TSHZ2: variants seen among roughly 807,000 people sequenced by gnomAD.
The protein encoded by TSHZ2 is teashirt homolog 2.
In TSHZ2, 21 loss-of-function variants were observed where a neutral mutation model predicts 74.4. That is an observed-to-expected ratio of 0.28 (90% CI 0.20 to 0.41). The LOEUF (loss-of-function observed/expected upper bound fraction) is 0.41, where lower values mean the gene tolerates loss of function less well. Ranked by LOEUF, TSHZ2 falls within the 10% of genes least tolerant of loss-of-function variation. The probability of loss-of-function intolerance (pLI) is 1.00; values close to 1 mark genes in which losing one functional copy is unlikely to be tolerated. For synonymous variants in TSHZ2, 540 were observed against 515.3 expected (o/e 1.05, Z -0.65); for missense variants, 1,244 against 1,293.5 (o/e 0.96, Z 0.59).
intron 2 of TSHZ2, among the ~76,000 whole-genome samples, chr20:53,405,320 T>C (rs1982810448): frequency 6.6e-6 from 1 of 152,008 alleles, no homozygotes; most frequent in Non-Finnish European, 1.5e-5. Context: ...ATCTAAGAAC[T>C]GGGAAGTAAT....
Position 53,197,617 on chromosome 20 carries a change from C to T in TSHZ2, c.41-55882C>T, listed in dbSNP as rs145917083. On this transcript the variant is annotated intron_variant, in intron 1 of 2. Coordinates refer to ENST00000371497, the MANE Select transcript of TSHZ2 (RefSeq NM_173485.6). ...AGCATATAATTTATTTCTCCCCCTT[C>T]GATACATTCCCCATTAGAAAACAAA... 6.0e-3 allele frequency among the ~76,000 whole-genome samples: 915 copies of T among 152,290 alleles called. 6 individuals carry two copies. Among genetic ancestry groups the T allele is most frequent in the South Asian group, 0.02 (94 of 4,816 alleles).
At chr20:53,374,096 G>A (rs769125384) in intron 2 of TSHZ2, among the ~76,000 whole-genome samples, 4 of 152,176 alleles carry the variant, frequency 2.6e-5, no homozygotes, top group Non-Finnish European at 4.4e-5. Flanking sequence ...TGTCACCCAG[G>A]TAATAAACGT....
rs140606316 is a variant in TSHZ2, at chr20:53,254,446, C to A, written c.988C>A (p.Pro330Thr). ...AKKRVFDVNR[P>T]CSPDSTTGSF... Reference sequence around the variant, plus strand: ...GAAACGCGTTTTTGATGTCAATCGGCCGTGTTCCCCCGATTCAACCACAGG... The same window carrying A: ...GAAACGCGTTTTTGATGTCAATCGGACGTGTTCCCCCGATTCAACCACAGG... Residue 330 changes from proline to threonine, a missense_variant, in exon 2 of 3, where the codon CCG becomes ACG. Around this residue, in one of 6 missense-constraint regions of TSHZ2, gnomAD observed 470 missense variants for 456.5 expected, o/e 1.03. Coordinates refer to ENST00000371497, the MANE Select transcript of TSHZ2 (RefSeq NM_173485.6). The A allele has an allele frequency of 1.3e-4, 212 of 1,613,632 alleles. 1 individual carries two copies. Among genetic ancestry groups the A allele is most frequent in the Non-Finnish European group, 1.8e-4 (208 of 1,179,678 alleles).
At chr20:53,436,542 A>ATTTTTT (rs1227006046) in intron 2 of TSHZ2, among the ~76,000 whole-genome samples, 4 of 98,870 alleles carry the variant, frequency 4.0e-5, no homozygotes, top group African/African-American at 1.7e-4. Context: ...TATTATTATT[A>ATTTTTT]TTATTATTTT....
At chr20:53,231,983 C>T (rs537264344) in intron 1 of TSHZ2, among the ~76,000 whole-genome samples, 164 of 152,300 alleles carry the variant, frequency 1.1e-3, no homozygotes, top group Non-Finnish European at 1.2e-3. Flanking sequence ...CTCCTGGGCT[C>T]AAGCCATCCT....
intron 1 of TSHZ2, among the ~76,000 whole-genome samples, chr20:52,974,829 G>C (rs991206303): frequency 6.6e-6 from 1 of 152,130 alleles, no homozygotes; most frequent in Non-Finnish European, 1.5e-5. Flanking sequence ...TTTGTAAGTT[G>C]GTTCAAGTGG....
chr20:53,394,284 A>G (rs1982363671), intron 2 of TSHZ2, among the ~76,000 whole-genome samples: 1 of 152,238 alleles, frequency 6.6e-6, no homozygotes, highest in Non-Finnish European at 1.5e-5. Context: ...GAGGTTTGGA[A>G]TAAGGCAAAG....
At position 53,298,573 on chromosome 20, in the gene TSHZ2, G is replaced by C. The variant is rs569868350; in HGVS notation, c.*8+42002G>C. On this transcript the variant is annotated intron_variant, in intron 2 of 2. Coordinates refer to ENST00000371497, the MANE Select transcript of TSHZ2 (RefSeq NM_173485.6). ...GCTTGGCTTGTTTGGGAAACAGCAA[G>C]GGGGATAGTACTGAGGCAGGGAGCG... Among the ~76,000 whole-genome samples, 3 of 152,340 alleles carry C rather than the reference G, an allele frequency of 2.0e-5. No individual in the cohort carries two copies. In the East Asian group the frequency reaches 5.8e-4, roughly 29 times the overall value.
At chr20:53,377,217 C>T (rs1981689425) in intron 2 of TSHZ2, among the ~76,000 whole-genome samples, 1 of 152,222 alleles carries the variant, frequency 6.6e-6, no homozygotes, top group Non-Finnish European at 1.5e-5. Flanking sequence ...GCTCTCTCTA[C>T]TGCATCAAGG....
At chr20:53,129,536 A>T (rs6022291) in intron 1 of TSHZ2, among the ~76,000 whole-genome samples, 16,145 of 152,248 alleles carry the variant, frequency 0.11, 2,506 homozygotes, top group African/African-American at 0.34. Context: ...CAATAAGTGG[A>T]TGTAACTATA....
intron 2 of TSHZ2, among the ~76,000 whole-genome samples, chr20:53,437,066 G>A (rs1984111673): frequency 6.6e-6 from 1 of 152,132 alleles, no homozygotes; most frequent in African/African-American, 2.4e-5. Context: ...AAAAGAGTAT[G>A]CCCTCCTCTG....
At chr20:53,347,534 A>G (rs1267785493) in intron 2 of TSHZ2, among the ~76,000 whole-genome samples, 1 of 152,098 alleles carries the variant, frequency 6.6e-6, no homozygotes, top group African/African-American at 2.4e-5. Flanking sequence ...TTTCCAAATC[A>G]TATATGACTA....
intron 1 of TSHZ2, among the ~76,000 whole-genome samples, chr20:53,048,773 T>C (rs905254416): frequency 6.6e-6 from 1 of 152,160 alleles, no homozygotes; most frequent in Non-Finnish European, 1.5e-5. Flanking sequence ...CCCTTTTGTA[T>C]GGGATTTTGT....
chr20:53,347,607 A>T (rs1052031289), intron 2 of TSHZ2, among the ~76,000 whole-genome samples: 9 of 149,502 alleles, frequency 6.0e-5, no homozygotes, highest in East Asian at 6.0e-4. Flanking sequence ...AAGCTACATA[A>T]GGCTGAGATG....
intron 2 of TSHZ2, among the ~76,000 whole-genome samples, chr20:53,436,541 TATTATTA>T (rs1295007212): frequency 1.7e-4 from 14 of 84,782 alleles, no homozygotes; most frequent in South Asian, 8.2e-4. Flanking sequence ...TTATTATTAT[TATTATTA>T]TTTTTTTTTT....
chr20:53,314,298 A>AAAAAAAAAAAAAAAAAAAAG (rs1978910481), intron 2 of TSHZ2, among the ~76,000 whole-genome samples: 3 of 151,858 alleles, frequency 2.0e-5, no homozygotes, highest in Non-Finnish European at 1.5e-5. Context: ...AAAAAAAAAA[A>AAAAAAAAAAAAAAAAAAAAG]AAAGAAAGAA....
intron 2 of TSHZ2, among the ~76,000 whole-genome samples, chr20:53,328,931 G>T (rs1267699080): frequency 6.6e-6 from 1 of 152,180 alleles, no homozygotes; most frequent in Non-Finnish European, 1.5e-5. Context: ...GGCAGGGTGT[G>T]AATAGTTAAT....
Position 53,255,241 on chromosome 20 carries a change from G to GCCC in TSHZ2, c.1785_1787dup (p.Pro596dup), listed in dbSNP as rs1568837649. On this transcript the variant is annotated inframe_insertion, in exon 2 of 3. Coordinates refer to ENST00000371497, the MANE Select transcript of TSHZ2 (RefSeq NM_173485.6). The surrounding 1 kb of genome is among the most constrained non-coding windows in gnomAD (Gnocchi z 4.1). ...ACTGGTTTCTATGCCCACACACCTGGCCCCTTACACTCAAGTCAAGAAAGA... is the reference window on the plus strand; with the variant it reads ...ACTGGTTTCTATGCCCACACACCTGGCCCCCCCTTACACTCAAGTCAAGAAAGA... The GCCC allele has an allele frequency of 6.2e-7, 1 of 1,614,144 alleles. No individual in the cohort carries two copies. The highest frequency in any genetic ancestry group is 8.5e-7 in the Non-Finnish European group (1 of 1,180,034).
At chr20:53,361,318 T>G (rs1981042940) in intron 2 of TSHZ2, among the ~76,000 whole-genome samples, 1 of 152,200 alleles carries the variant, frequency 6.6e-6, no homozygotes, top group African/African-American at 2.4e-5. Flanking sequence ...TTTAGCTTCT[T>G]CCTCAGGCCT....
Sources: gnomAD v4.1 joint callset for allele counts (sites outside exome capture counted in the v4.1 genomes callset) on GRCh38, gnomAD v4.1.1 for gene constraint, gnomAD v4.1.1 regional missense constraint, Gnocchi (gnomAD v3.1) non-coding constraint, MANE v1.5 for transcripts, NCBI Gene and HGNC (gene_info 2026-07-23, HGNC 2026-07-21) for gene names.